Variants in HAGH observed in about 807,000 individuals in gnomAD.
HAGH encodes hydroxyacylglutathione hydrolase.
A neutral mutation model predicts 35.1 loss-of-function variants in HAGH; 29 were observed. The ratio of observed to expected loss-of-function variants is 0.83; its 90% CI spans 0.62 to 1.13. The LOEUF is 1.13. Ranked by LOEUF, HAGH falls within the 50% of genes most tolerant of loss-of-function variation. The pLI is 0.00. For synonymous variants in HAGH, 225 were observed against 176.1 expected, an observed-to-expected ratio of 1.28 and a Z score of -2.20; for missense variants, 478 against 419.6, an observed-to-expected ratio of 1.14 and a Z score of -1.22.
chr16:1,815,655 T>C (rs1159786958), intron 7 of HAGH, among the ~76,000 whole-genome samples: 1 of 152,200 alleles, frequency 6.6e-6, no homozygotes, highest in African/African-American at 2.4e-5. Flanking sequence ...GTTCCACATC[T>C]GGACTGTGGA....
rs200374347 is a variant in HAGH at position 1,809,290 on chromosome 16, C to T, written c.920G>A (p.Arg307Gln). 1.7e-5 allele frequency: 28 copies of T among 1,607,630 alleles called. 1 individual carries two copies. The highest frequency in any genetic ancestry group is 1.3e-4 in the East Asian group (6 of 44,702). The change falls in exon 9 of 9, where the codon CGG becomes CAG. Residue 307 changes from arginine to glutamine, a missense_variant. Physicochemically the swap from Arg to Gln is conservative, Grantham distance 43. Coordinates refer to ENST00000397356, the MANE Select transcript of HAGH (RefSeq NM_005326.6). ...RREKDQFKMP[R>Q]D ...TGAAGGTGCAGGGCGGCCTCAGTCC[C>T]GGGGCATCTTGAACTGGTCCTTCTC...
At position 1,819,879 on chromosome 16, in the gene HAGH, C is replaced by T. The variant is rs749938608; in HGVS notation, c.432+18G>A. On this transcript the variant is annotated intron_variant, in intron 4 of 8. Coordinates refer to ENST00000397356, the MANE Select transcript of HAGH (RefSeq NM_005326.6). ...CTGACAGGGCCACGCTGGAGCACCTCCAGGGCTCACTCCTTACCTGCAGTG... is the reference window on the plus strand; with the variant it reads ...CTGACAGGGCCACGCTGGAGCACCTTCAGGGCTCACTCCTTACCTGCAGTG... The T allele has an allele frequency of 7.3e-6, 11 of 1,504,170 alleles. No individual in the cohort carries two copies. Among genetic ancestry groups the T allele is most frequent in the East Asian group, 2.3e-5 (1 of 44,416 alleles). The allele number at this position is 1,504,170 out of a possible 1,614,324, so 93.2% of individuals were successfully genotyped here.
At chr16:1,820,796 G>A (rs1165702241) in intron 3 of HAGH, among the ~76,000 whole-genome samples, 1 of 152,180 alleles carries the variant, frequency 6.6e-6, no homozygotes, top group East Asian at 1.9e-4. Flanking sequence ...GGTGGCCGCT[G>A]CCCTCTGCCC....
chr16:1,820,490 T>A (rs1311736302), intron 3 of HAGH, among the ~76,000 whole-genome samples: 2 of 151,748 alleles, frequency 1.3e-5, no homozygotes, highest in Middle Eastern at 3.2e-3. Flanking sequence ...ATCAAACTGT[T>A]CAGCATGGGA....
intron 7 of HAGH, among the ~76,000 whole-genome samples, chr16:1,813,184 C>T (rs1292983019): frequency 6.6e-6 from 1 of 152,164 alleles, no homozygotes; most frequent in African/African-American, 2.4e-5. Flanking sequence ...CGAGTTTTTG[C>T]TGTTAGTTCC....
chr16:1,818,984 AG>A (rs1363852532), intron 5 of HAGH, 130 bp downstream of exon 5: 4 of 642,496 alleles, frequency 6.2e-6, no homozygotes, highest in Non-Finnish European at 1.1e-5. Context: ...GAGGCTCCCC[AG>A]CACCCACCCC....
intron 7 of HAGH, among the ~76,000 whole-genome samples, chr16:1,815,384 A>G (rs1191913425): frequency 6.6e-6 from 1 of 152,266 alleles, no homozygotes; most frequent in Non-Finnish European, 1.5e-5. Flanking sequence ...AAATGTCCAT[A>G]GCAGCTTTAT....
chr16:1,818,636 T>G, intron 5 of HAGH: 1 of 156,144 alleles, frequency 6.4e-6, no homozygotes, highest in Non-Finnish European at 1.4e-5. Context: ...CGCACCGCCT[T>G]AGAAGGCCGC....
chr16:1,826,659 G>A, intron 1 of HAGH, 53 bp downstream of exon 1: 1 of 963,896 alleles, frequency 1.0e-6, no homozygotes, highest in Non-Finnish European at 1.2e-6. Context: ...GCCGCCCGCT[G>A]CCCGCCCCGC....
intron 3 of HAGH, chr16:1,821,833 C>T (rs112192170): frequency 0.036 from 5,515 of 153,212 alleles, 343 homozygotes; most frequent in African/African-American, 0.12. Context: ...TGGGTTTCAC[C>T]GTGTTGGCCA....
upstream of HAGH, chr16:1,826,888 A>G (rs1010824338): frequency 5.2e-6 from 4 of 762,962 alleles, no homozygotes; most frequent in Non-Finnish European, 7.4e-6. Flanking sequence ...CCCTCAGCCA[A>G]TCAGCGTCCA....
intron 7 of HAGH, among the ~76,000 whole-genome samples, chr16:1,812,034 A>C (rs1897670783): frequency 6.6e-6 from 1 of 151,830 alleles, no homozygotes. Flanking sequence ...TCTACCAAAA[A>C]TACAAAAATT....
upstream of HAGH, chr16:1,827,057 C>T: frequency 1.1e-6 from 1 of 914,000 alleles, no homozygotes; most frequent in Non-Finnish European, 1.6e-6. Context: ...TCTTTTTTGG[C>T]ACCGCACAGT....
In HAGH at chr16:1,816,946, G is replaced by C. The variant is rs375237169; in HGVS notation, c.694C>G (p.Arg232Gly). The C allele has an allele frequency of 1.9e-6, 3 of 1,613,726 alleles. No homozygotes were observed. The South Asian group carries it at 3.3e-5, about 18-fold the overall frequency. ...GCGGCATTGCCGGGCTCCACGTGGC[G>C]TGCAAACTTGAGGTTGTTGATGGTG... ...EYTINNLKFA[R>G]HVEPGNAAIR... Residue 232 changes from arginine to glycine, a missense_variant, in exon 7 of 9, where the codon CGC becomes GGC. Transcript: ENST00000397356.
chr16:1,823,113 C>A, intron 1 of HAGH, 76 bp from the exon 2 acceptor site: 1 of 1,275,106 alleles, frequency 7.8e-7, no homozygotes, highest in Non-Finnish European at 1.1e-6. Flanking sequence ...TGCAGTGCTT[C>A]CCAGCCTTTC....
At position 1,822,879 on chromosome 16, in the gene HAGH, C is replaced by A. The variant is rs781357645; in HGVS notation, c.235G>T (p.Val79Leu). 6.2e-7 allele frequency: 1 copy of A among 1,613,648 alleles called. No individual in the cohort carries two copies. Among genetic ancestry groups the A allele is most frequent in the Non-Finnish European group, 8.5e-7 (1 of 1,179,878 alleles). The change falls in exon 2 of 9, where the codon GTG becomes TTG. Residue 79 changes from valine (V) to leucine (L), a missense_variant. Coordinates refer to ENST00000397356, the MANE Select transcript of HAGH (RefSeq NM_005326.6). ...GCCATGCGCACCTTCTGGGGCTGCA[C>A]CGGATCCACAATGGCAGCCTCCTTG... ...ETKEAAIVDP[V>L]QPQKVVDAAR...
At chr16:1,822,650 A>C (rs764602433) in intron 2 of HAGH, among the ~76,000 whole-genome samples, 19 of 152,318 alleles carry the variant, frequency 1.2e-4, no homozygotes, top group African/African-American at 4.6e-4. Context: ...GCCCCCAAGA[A>C]GACTCAAGTG....
chr16:1,810,038 A>AC, intron 7 of HAGH: 1 of 575,164 alleles, frequency 1.7e-6, no homozygotes, highest in Admixed American at 2.9e-5. Context: ...GGTGGCAGGC[A>AC]CCTGTGGTCC....
rs571619723 is a variant in HAGH at position 1,819,244 on chromosome 16, G to A, written c.433-21C>T. 206 of 1,501,626 alleles carry A rather than the reference G, an allele frequency of 1.4e-4. No individual in the cohort carries two copies. The South Asian group carries it at 1.8e-3, about 13-fold the overall frequency. 93.0% of individuals were successfully genotyped at this position (1,501,626 alleles called of 1,614,324 possible). A position where few individuals can be genotyped will look rare whatever the true frequency, so the allele number is the denominator to read the frequency against. ...CCCACCTTCAACAAAGCAGGCGACC[G>A]CGTGTGCTCCCAGACACCCTGGAGA... On this transcript the variant is annotated intron_variant, in intron 4 of 8. Transcript: ENST00000397356.
Sources: gnomAD v4.1 joint callset for allele counts (sites outside exome capture counted in the v4.1 genomes callset) on GRCh38, gnomAD v4.1.1 for gene constraint, MANE v1.5 for transcripts, NCBI Gene and HGNC (gene_info 2026-07-23, HGNC 2026-07-21) for gene names.